Variants in SNX19 observed in about 807,000 individuals in gnomAD.
The protein encoded by SNX19 is sorting nexin 19.
SNX19 carries 60 observed loss-of-function variants against 85.2 expected under a neutral mutation model. The observed-to-expected ratio is 0.70, with a 90% confidence interval of 0.57 to 0.87. The LOEUF (loss-of-function observed/expected upper bound fraction) is 0.87, where lower values mean the gene tolerates loss of function less well. Ranked by LOEUF, SNX19 falls within the 40% of genes least tolerant of loss-of-function variation. The probability of loss-of-function intolerance (pLI) is 0.00; values close to 1 mark genes in which losing one functional copy is unlikely to be tolerated. For missense variants in SNX19, 1,201 were observed against 1,217.8 expected (o/e 0.99, Z 0.21); for synonymous variants, 520 against 470.0 (o/e 1.11, Z -1.38).
chr11:130,916,284 G>C lies in SNX19; in HGVS notation c.-345C>G, dbSNP rs1300030645. 2 of 240,414 alleles carry C rather than the reference G, an allele frequency of 8.3e-6. No individual in the cohort carries two copies. The highest frequency in any genetic ancestry group is 1.0e-4 in the Admixed American group (2 of 19,978). 14.9% of individuals were successfully genotyped at this position (240,414 alleles called of 1,614,324 possible). A position where few individuals can be genotyped will look rare whatever the true frequency, so the allele number is the denominator to read the frequency against. On this transcript the variant is annotated 5_prime_UTR_variant, in exon 1 of 11. Coordinates refer to ENST00000265909, the MANE Select transcript of SNX19 (RefSeq NM_014758.3). ...CTGGGGCCCACGGACACTTACACAC[G>C]CAGCGGGCAGCGGCCGGCGAAGACT...
At position 130,867,406 on chromosome 11, in the gene SNX19, C is replaced by T. The variant is rs1942813220; in HGVS notation, c.*11016G>A. ...AGTGCAACCTAGATGATCAGTGCCA[C>T]CACCATCCTGGGAAAAGCTAACTGG... is the stretch of plus-strand genomic sequence containing the variant. On this transcript the variant is annotated 3_prime_UTR_variant, in exon 11 of 11. Coordinates refer to ENST00000265909, the MANE Select transcript of SNX19 (RefSeq NM_014758.3). 1 of 152,288 alleles carries T rather than the reference C, an allele frequency of 6.6e-6. No homozygotes were observed. The highest frequency in any genetic ancestry group is 1.9e-4 in the East Asian group (1 of 5,180). 9.4% of individuals were successfully genotyped at this position (152,288 alleles called of 1,614,324 possible).
intron 8 of SNX19, among the ~76,000 whole-genome samples, chr11:130,899,160 T>C (rs1452821858): frequency 5.9e-5 from 9 of 152,230 alleles, no homozygotes; most frequent in African/African-American, 2.2e-4. Context: ...AGCATGTGCA[T>C]ACAGTGTTCA....
rs1943136114 is a variant in SNX19 at position 130,874,242 on chromosome 11, A to C, written c.*4180T>G. On this transcript the variant is annotated 3_prime_UTR_variant, in exon 11 of 11. Coordinates refer to ENST00000265909, the MANE Select transcript of SNX19 (RefSeq NM_014758.3). ...TCTTGCTATGTTCCAGGCTGGTCTTAAACTCCTGGACTCAAACAATCCCCC... is the reference window on the plus strand; with the variant it reads ...TCTTGCTATGTTCCAGGCTGGTCTTCAACTCCTGGACTCAAACAATCCCCC... Among the ~76,000 whole-genome samples the C allele has an allele frequency of 6.6e-6, 1 of 152,064 alleles. No homozygotes were observed. Among genetic ancestry groups the C allele is most frequent in the Non-Finnish European group, 1.5e-5 (1 of 68,010 alleles).
chr11:130,906,026 A>G lies in SNX19; in HGVS notation c.2370T>C (p.Pro790=). Residue 790 remains proline, a synonymous_variant, in exon 7 of 11, where the codon CCT becomes CCC. Transcript: ENST00000265909. ...CGCAACTGTCCACACGTCCTTTGGG[A>G]GGTTGTTCAGGATCTTTTTCTGGGG... ...TKAPEKDPEQ[P]PKGRVDSCVS... is the part of the protein sequence containing the mutation. 2 of 1,614,072 alleles carry G rather than the reference A, an allele frequency of 1.2e-6. No homozygotes were observed. Among genetic ancestry groups the G allele is most frequent in the Middle Eastern group, 1.6e-4 (1 of 6,062 alleles).
Position 130,880,752 on chromosome 11 carries a change from G to A in SNX19, c.2628C>T (p.Tyr876=). 1.9e-6 allele frequency: 3 copies of A among 1,608,134 alleles called. No homozygotes were observed. Among genetic ancestry groups the A allele is most frequent in the Non-Finnish European group, 2.6e-6 (3 of 1,175,478 alleles). ...NLTSPQRWVQ[Y]LLLLQESIWP... ...AGATGGACTCCTGAAGAAGCAGGAG[G>A]TACTGCACCCAGCGCTGTGGACTTG... Residue 876 remains tyrosine, a synonymous_variant, in exon 9 of 11, where the codon TAC becomes TAT. Transcript: ENST00000265909.
At position 130,878,630 on chromosome 11, in the gene SNX19, C is replaced by A. The variant is rs543620009; in HGVS notation, c.2847-76G>T. ...AGATCCTGTTTATGACATTTATTTT[C>A]TCCTCCCCCATCACCGACACCCTAA... On this transcript the variant is annotated intron_variant, in intron 10 of 10. Transcript: ENST00000265909. The A allele has an allele frequency of 9.3e-4, 1,421 of 1,524,810 alleles. 23 individuals carry two copies. The South Asian group carries it at 0.017, about 18-fold the overall frequency. 94.5% of individuals were successfully genotyped at this position (1,524,810 alleles called of 1,614,324 possible). A position where few individuals can be genotyped will look rare whatever the true frequency, so the allele number is the denominator to read the frequency against.
intron 9 of SNX19, 82 bp from the exon 10 acceptor site, chr11:130,879,793 G>C (rs1301123704): frequency 3.0e-6 from 4 of 1,320,666 alleles, no homozygotes; most frequent in Admixed American, 3.6e-5. Context: ...CAGGATCTCT[G>C]CCGTTTTTAC....
chr11:130,908,910 G>A (rs896407813), intron 4 of SNX19, among the ~76,000 whole-genome samples: 3 of 152,196 alleles, frequency 2.0e-5, no homozygotes, highest in African/African-American at 7.2e-5. Context: ...TGCCTTCTTT[G>A]ACTCATTCTT....
rs1946566847 is a variant in SNX19 at position 130,916,065 on chromosome 11, C to T, written c.-126G>A. On this transcript the variant is annotated 5_prime_UTR_variant, in exon 1 of 11. Coordinates refer to ENST00000265909, the MANE Select transcript of SNX19 (RefSeq NM_014758.3). ...CTGGGTGCTGTTCAGGGAACCGGGG[C>T]TCCAGGCCCTCAAAGTCCTACAGGC... The T allele has an allele frequency of 1.3e-5, 11 of 820,648 alleles. No homozygotes were observed. The East Asian group carries it at 2.7e-4, about 20-fold the overall frequency. The allele number at this position is 820,648 out of a possible 1,614,324, so 50.8% of individuals were successfully genotyped here. A position where few individuals can be genotyped will look rare whatever the true frequency, so the allele number is the denominator to read the frequency against.
chr11:130,903,164 C>A (rs3751040), intron 8 of SNX19, 91 bp downstream of exon 8: 3 of 1,547,302 alleles, frequency 1.9e-6, no homozygotes, highest in Middle Eastern at 1.7e-4. Context: ...TCTTCTCTTA[C>A]GGCTGCAGAT....
Position 130,866,848 on chromosome 11 carries a change from C to T in SNX19, c.*11574G>A, listed in dbSNP as rs1420981772. 6.6e-6 allele frequency: 1 copy of T among 152,180 alleles called. No individual in the cohort carries two copies. Among genetic ancestry groups the T allele is most frequent in the Non-Finnish European group, 1.5e-5 (1 of 68,068 alleles). 9.4% of individuals were successfully genotyped at this position (152,180 alleles called of 1,614,324 possible). A position where few individuals can be genotyped will look rare whatever the true frequency, so the allele number is the denominator to read the frequency against. ...GCCACTGAGCTAGAAGCTGGAAGAC[C>T]CAGGTCCTGGCTTTGCTAATAATAA... On this transcript the variant is annotated 3_prime_UTR_variant, in exon 11 of 11. Coordinates refer to ENST00000265909, the MANE Select transcript of SNX19 (RefSeq NM_014758.3).
Position 130,914,700 on chromosome 11 carries a change from T to C in SNX19, c.1240A>G (p.Lys414Glu), listed in dbSNP as rs769464090. Reference sequence around the variant, plus strand: ...GCTCCTTCAGATGCCTCACCATCTTTGGGTTCCAGAGCCTGGGAACTCTCT... The same window carrying C: ...GCTCCTTCAGATGCCTCACCATCTTCGGGTTCCAGAGCCTGGGAACTCTCT... The part of the protein sequence containing the change: ...ALESSQALEP[K>E]DGEASEGAEA... The change falls in exon 1 of 11, where the codon AAA becomes GAA. Residue 414 changes from lysine to glutamate, a missense_variant. Physicochemically the swap from Lys to Glu is moderately conservative, Grantham distance 56. This residue lies in a region of SNX19 where 791 missense variants were observed against 750.9 expected (regional missense o/e 1.05). Coordinates refer to ENST00000265909, the MANE Select transcript of SNX19 (RefSeq NM_014758.3). The C allele has an allele frequency of 1.2e-6, 2 of 1,613,998 alleles. No individual in the cohort carries two copies. Among genetic ancestry groups the C allele is most frequent in the Admixed American group, 1.7e-5 (1 of 60,006 alleles).
chr11:130,912,060 AATAG>A (rs1330894917), intron 1 of SNX19, among the ~76,000 whole-genome samples: 1 of 151,814 alleles, frequency 6.6e-6, no homozygotes, highest in African/African-American at 2.4e-5. Flanking sequence ...TGAATATTTG[AATAG>A]AAGGCATAAC....
At chr11:130,887,690 T>C (rs964761083) in intron 8 of SNX19, among the ~76,000 whole-genome samples, 5 of 152,216 alleles carry the variant, frequency 3.3e-5, no homozygotes, top group African/African-American at 1.2e-4. Flanking sequence ...AGTTACCAGA[T>C]ATTAGGTTAA....
In SNX19 at chr11:130,873,826, A is replaced by G. The variant is rs1943117592; in HGVS notation, c.*4596T>C. Among the ~76,000 whole-genome samples the G allele has an allele frequency of 6.6e-6, 1 of 152,168 alleles. No individual in the cohort carries two copies. The highest frequency in any genetic ancestry group is 1.5e-5 in the Non-Finnish European group (1 of 68,028). ...TGTTGGCAGAATGACCCATCCCTAGAGCAGACATTGTCTATCAATACCCAT... is the reference window on the plus strand; with the variant it reads ...TGTTGGCAGAATGACCCATCCCTAGGGCAGACATTGTCTATCAATACCCAT... On this transcript the variant is annotated 3_prime_UTR_variant, in exon 11 of 11. Coordinates refer to ENST00000265909, the MANE Select transcript of SNX19 (RefSeq NM_014758.3).
Position 130,914,347 on chromosome 11 carries a change from C to T in SNX19, c.1593G>A (p.Gln531=). The change falls in exon 1 of 11, where the codon CAG becomes CAA. Residue 531 remains glutamine (Q), a synonymous_variant. Coordinates refer to ENST00000265909, the MANE Select transcript of SNX19 (RefSeq NM_014758.3). ...TAATGGTGCCAGTGATACGAAGGTT[C>T]TGGATGATAACTGGACCATCGGGAC... The part of the protein sequence containing the change: ...LSSPDGPVII[Q]NLRITGTITA... 6.2e-7 allele frequency: 1 copy of T among 1,613,590 alleles called. No individual in the cohort carries two copies. The highest frequency in any genetic ancestry group is 2.2e-5 in the East Asian group (1 of 44,878).
rs977271507 is a variant in SNX19, at chr11:130,872,515, G to GT, written c.*5906dup. Among the ~76,000 whole-genome samples, 14 of 151,896 alleles carry GT rather than the reference G, an allele frequency of 9.2e-5. No homozygotes were observed. Among genetic ancestry groups the GT allele is most frequent in the Non-Finnish European group, 1.8e-4 (12 of 67,974 alleles). ...GTCTTTGTGTAATAAGAAATATCAG[G>GT]TAAGTCTTAGGATGTGGACATCATG... is the stretch of plus-strand genomic sequence containing the variant. On this transcript the variant is annotated 3_prime_UTR_variant, in exon 11 of 11. Coordinates refer to ENST00000265909, the MANE Select transcript of SNX19 (RefSeq NM_014758.3).
chr11:130,880,637 T>C lies in SNX19; in HGVS notation c.2743A>G (p.Met915Val). 1 of 1,599,010 alleles carries C rather than the reference T, an allele frequency of 6.3e-7. No homozygotes were observed. Among genetic ancestry groups the C allele is most frequent in the South Asian group, 1.1e-5 (1 of 90,264 alleles). Residue 915 changes from methionine (M) to valine (V), a missense_variant, in exon 9 of 11, where the codon ATG becomes GTG. Physicochemically the swap from Met to Val is conservative, Grantham distance 21. This residue lies in a region of SNX19 where 285 missense variants were observed against 295.3 expected (regional missense o/e 0.97). Coordinates refer to ENST00000265909, the MANE Select transcript of SNX19 (RefSeq NM_014758.3). ...AAEKQALQSL[M>V]GVLPDLVVEI... The stretch of plus-strand genomic sequence containing the variant: ...GTCCAATTACCTGGGAGGACTCCCA[T>C]CAGGCTCTGCAAAGCCTGTTTCTCA...
At position 130,875,718 on chromosome 11, in the gene SNX19, T is replaced by C. The variant is rs1338391077; in HGVS notation, c.*2704A>G. Reference sequence around the variant, plus strand: ...GTGAGGTCGGGGGAGGGGGAAGGGATAGCATCAGGAGATATACCTAATGTA... The same window carrying C: ...GTGAGGTCGGGGGAGGGGGAAGGGACAGCATCAGGAGATATACCTAATGTA... On this transcript the variant is annotated 3_prime_UTR_variant, in exon 11 of 11. Transcript: ENST00000265909. The C allele has an allele frequency of 2.6e-5, 4 of 151,524 alleles. No individual in the cohort carries two copies. The allele number at this position is 151,524 out of a possible 1,614,324, so 9.4% of individuals were successfully genotyped here.
Sources: gnomAD v4.1 joint callset for allele counts (sites outside exome capture counted in the v4.1 genomes callset) on GRCh38, gnomAD v4.1.1 for gene constraint, gnomAD v4.1.1 regional missense constraint, MANE v1.5 for transcripts, NCBI Gene and HGNC (gene_info 2026-07-23, HGNC 2026-07-21) for gene names.